Variants in LATS2 observed in about 807,000 individuals in gnomAD.
LATS2 encodes large tumor suppressor kinase 2.
LATS2 carries 24 observed loss-of-function variants against 76.0 expected under a neutral mutation model. That is an observed-to-expected ratio of 0.32 (90% CI 0.23 to 0.44). LATS2 has a LOEUF of 0.44. Among genes scored for constraint, LATS2 ranks in the 20% least tolerant of loss-of-function variants. The pLI is 1.00. For missense variants in LATS2, 1,286 were observed against 1,481.2 expected, an observed-to-expected ratio of 0.87 and a Z score of 2.16; for synonymous variants, 692 against 635.4, an observed-to-expected ratio of 1.09 and a Z score of -1.34.
chr13:21,044,159 AG>A (rs1872982350), intron 2 of LATS2, among the ~76,000 whole-genome samples: 1 of 152,234 alleles, frequency 6.6e-6, no homozygotes, highest in Non-Finnish European at 1.5e-5. Context: ...ACTATATACA[AG>A]TTAATCCCAG....
intron 1 of LATS2, among the ~76,000 whole-genome samples, chr13:21,053,235 A>T (rs1873339396): frequency 8.1e-6 from 1 of 123,898 alleles, no homozygotes; most frequent in African/African-American, 3.1e-5. Context: ...CTCTGTCTCA[A>T]AAAAAAAAAA....
chr13:21,033,147 G>A (rs1034715855), intron 2 of LATS2, among the ~76,000 whole-genome samples: 1 of 151,902 alleles, frequency 6.6e-6, no homozygotes, highest in African/African-American at 2.4e-5. Flanking sequence ...GCAGGCCACC[G>A]GAGAAAGTAC....
chr13:21,039,432 G>A (rs1189767973), intron 2 of LATS2, among the ~76,000 whole-genome samples: 1 of 152,162 alleles, frequency 6.6e-6, no homozygotes. Flanking sequence ...AAGACAAAGG[G>A]CTAGGAGATT....
rs1566655870 is a variant in LATS2 at position 20,974,251 on chromosome 13, G to C, written c.*619C>G. On this transcript the variant is annotated 3_prime_UTR_variant, in exon 8 of 8. Transcript: ENST00000382592. ...CACACACCAGACGTCGGAAATCACA[G>C]CCACATCATCACCTTGCTCACACTT... The C allele has an allele frequency of 4.5e-6, 1 of 221,340 alleles. No homozygotes were observed. Among genetic ancestry groups the C allele is most frequent in the Non-Finnish European group, 9.0e-6 (1 of 110,886 alleles). The allele number at this position is 221,340 out of a possible 1,614,324, so 13.7% of individuals were successfully genotyped here.
intron 2 of LATS2, among the ~76,000 whole-genome samples, chr13:20,999,379 T>C (rs1252977089): frequency 1.3e-5 from 2 of 152,238 alleles, no homozygotes; most frequent in African/African-American, 4.8e-5. Context: ...AAATTTGGCA[T>C]AATGTTTTGT....
chr13:20,997,692 C>T (rs1160984268), intron 2 of LATS2, among the ~76,000 whole-genome samples: 7 of 152,226 alleles, frequency 4.6e-5, no homozygotes, highest in Non-Finnish European at 8.8e-5. Context: ...GCTTGGTCCC[C>T]TTCTACTAAG....
chr13:21,033,123 A>G (rs80355648), intron 2 of LATS2, among the ~76,000 whole-genome samples: 2 of 144,448 alleles, frequency 1.4e-5, no homozygotes. Context: ...CACTTAAGAG[A>G]AAAAAAAAAA....
intron 6 of LATS2, among the ~76,000 whole-genome samples, chr13:20,981,095 C>T (rs1869852399): frequency 6.6e-6 from 1 of 152,176 alleles, no homozygotes. Flanking sequence ...GAGCCTGAGA[C>T]AGAAGTTAAA....
intron 2 of LATS2, among the ~76,000 whole-genome samples, chr13:21,007,324 T>C (rs934679797): frequency 1.3e-5 from 2 of 150,872 alleles, no homozygotes; most frequent in African/African-American, 4.9e-5. Context: ...TTTTAGTCCA[T>C]GTTTCTGACA....
At chr13:21,024,061 C>T (rs1463551983) in intron 2 of LATS2, among the ~76,000 whole-genome samples, 1 of 140,320 alleles carries the variant, frequency 7.1e-6, no homozygotes, top group Non-Finnish European at 1.5e-5. Flanking sequence ...GTTTACAGAC[C>T]TTCCCCAGAA....
In LATS2 at chr13:20,974,649, TGCAG is replaced by T; in HGVS notation, c.*217_*220del. 1.9e-6 allele frequency: 1 copy of T among 534,204 alleles called. No individual in the cohort carries two copies. Among genetic ancestry groups the T allele is most frequent in the Non-Finnish European group, 3.3e-6 (1 of 305,578 alleles). The allele number at this position is 534,204 out of a possible 1,614,324, so 33.1% of individuals were successfully genotyped here. A position where few individuals can be genotyped will look rare whatever the true frequency, so the allele number is the denominator to read the frequency against. On this transcript the variant is annotated 3_prime_UTR_variant, in exon 8 of 8. Transcript: ENST00000382592. ...TAAATTTTCAAAAATATTGTTTTAA[TGCAG>T]TGAAGGTCCTGAAAAGCCTATTGAA...
chr13:21,016,838 T>G (rs142804110), intron 2 of LATS2, among the ~76,000 whole-genome samples: 130 of 152,324 alleles, frequency 8.5e-4, no homozygotes, highest in African/African-American at 2.4e-3. Flanking sequence ...ACACCTGAAC[T>G]AACTCTCTTT....
chr13:21,040,297 A>G (rs910577970), intron 2 of LATS2, among the ~76,000 whole-genome samples: 1 of 151,804 alleles, frequency 6.6e-6, no homozygotes, highest in South Asian at 2.1e-4. Context: ...TGAGGCGGAG[A>G]ATTGCTTGAG....
intron 1 of LATS2, among the ~76,000 whole-genome samples, chr13:21,047,926 AAGAG>A (rs983980664): frequency 6.6e-6 from 1 of 152,164 alleles, no homozygotes; most frequent in Non-Finnish European, 1.5e-5. Context: ...TTTAGAAGAT[AAGAG>A]AGAGACTAAA....
chr13:21,029,438 T>C (rs548208260), intron 2 of LATS2, among the ~76,000 whole-genome samples: 6 of 152,374 alleles, frequency 3.9e-5, no homozygotes, highest in Admixed American at 3.9e-4. Flanking sequence ...TATCATCTTC[T>C]TACCAAATGC....
intron 1 of LATS2, among the ~76,000 whole-genome samples, chr13:21,057,560 T>C (rs1873485851): frequency 6.6e-6 from 1 of 152,110 alleles, no homozygotes; most frequent in South Asian, 2.1e-4. Flanking sequence ...CTCATGCCTG[T>C]AGGCGGGTGG....
intron 2 of LATS2, among the ~76,000 whole-genome samples, chr13:21,020,171 T>C (rs544115053): frequency 6.6e-6 from 1 of 151,152 alleles, no homozygotes; most frequent in African/African-American, 2.4e-5. Context: ...AACACACCAA[T>C]TCCCACTGTG....
At chr13:21,001,789 G>T (rs1871049157) in intron 2 of LATS2, among the ~76,000 whole-genome samples, 1 of 152,112 alleles carries the variant, frequency 6.6e-6, no homozygotes, top group South Asian at 2.1e-4. Flanking sequence ...TAAGGCAGAA[G>T]AATTGCTTGA....
chr13:21,058,779 C>G (rs1873529810), intron 1 of LATS2, among the ~76,000 whole-genome samples: 1 of 152,202 alleles, frequency 6.6e-6, no homozygotes, highest in Non-Finnish European at 1.5e-5. Context: ...CTGGTATATT[C>G]ATTACACTAT....
Sources: allele counts gnomAD v4.1 joint callset (sites outside exome capture counted in the v4.1 genomes callset), GRCh38; gene constraint gnomAD v4.1.1; transcripts MANE v1.5; gene names NCBI Gene and HGNC (gene_info 2026-07-23, HGNC 2026-07-21).